The following CELF2 variants were observed in gnomAD, a reference collection of about 807,000 sequenced individuals.
The protein encoded by CELF2 is CUGBP Elav-like family member 2, also known as CUG triplet repeat RNA-binding protein 2.
In CELF2, 8 loss-of-function variants were observed where a neutral mutation model predicts 62.6. That is an observed-to-expected ratio of 0.13 (90% CI 0.07 to 0.23). The LOEUF (loss-of-function observed/expected upper bound fraction) is 0.23. Ranked by LOEUF, CELF2 falls within the 10% of genes least tolerant of loss-of-function variation. CELF2 has a pLI of 1.00. For missense variants in CELF2, 333 were observed against 671.0 expected (o/e 0.50, Z 5.56); for synonymous variants, 258 against 250.0 (o/e 1.03, Z -0.30).
At chr10:10,760,509 G>A in the CELF2 span, among the ~76,000 whole-genome samples, 20 of 152,278 alleles carry the variant, frequency 1.3e-4, no homozygotes, top group East Asian at 3.7e-3. Flanking sequence ...AGCAAGTCAC[G>A]TCGATACAGT....
At chr10:10,904,323 C>T (rs1459657882) in intron 1 of CELF2, among the ~76,000 whole-genome samples, 2 of 151,814 alleles carry the variant, frequency 1.3e-5, no homozygotes, top group Non-Finnish European at 2.9e-5. Context: ...ATCTGCTGGG[C>T]TCAAGCGATC....
chr10:10,851,449 G>T (rs922113771), intron 1 of CELF2, among the ~76,000 whole-genome samples: 1 of 152,072 alleles, frequency 6.6e-6, no homozygotes, highest in East Asian at 1.9e-4. Context: ...ACTCAGCAAG[G>T]TTGCCGACCT....
chr10:11,292,028 A>G (rs2092595573), intron 9 of CELF2, among the ~76,000 whole-genome samples: 1 of 152,222 alleles, frequency 6.6e-6, no homozygotes, highest in Non-Finnish European at 1.5e-5. Flanking sequence ...GTAAGTGCAG[A>G]CTTGACCAAG....
the CELF2 span, among the ~76,000 whole-genome samples, chr10:10,727,608 C>G: frequency 1.3e-5 from 2 of 151,976 alleles, no homozygotes; most frequent in Non-Finnish European, 2.9e-5. Flanking sequence ...AACCCCGTCT[C>G]TACCAAAAGT....
intron 1 of CELF2, among the ~76,000 whole-genome samples, chr10:10,905,701 C>G (rs964158309): frequency 4.0e-5 from 6 of 151,858 alleles, no homozygotes; most frequent in African/African-American, 1.5e-4. Flanking sequence ...CACGGTGGAA[C>G]CCTGTCTCTA....
At chr10:10,486,049 A>T in the CELF2 span, among the ~76,000 whole-genome samples, 1 of 152,196 alleles carries the variant, frequency 6.6e-6, no homozygotes, top group Non-Finnish European at 1.5e-5. Context: ...AATCATGGAA[A>T]CATAGAATAA....
the CELF2 span, among the ~76,000 whole-genome samples, chr10:10,524,637 A>C: frequency 6.6e-6 from 1 of 152,116 alleles, no homozygotes; most frequent in Admixed American, 6.6e-5. Context: ...TTCTCTCTCC[A>C]ATACCTTCAA....
chr10:11,315,353 C>T lies in CELF2; in HGVS notation c.1096+1095C>T, dbSNP rs1178354782. On this transcript the variant is annotated intron_variant, in intron 10 of 12. Transcript: ENST00000633077. This position sits in a 1 kb window ranked among gnomAD's most constrained non-coding sequence, Gnocchi z 5.8. ...ATAAAGGAGTCCGTGACAGTTGTTGCCCTATTTTAAGCCATGGTTCAATAA... is the reference window on the plus strand; with the variant it reads ...ATAAAGGAGTCCGTGACAGTTGTTGTCCTATTTTAAGCCATGGTTCAATAA... Among the ~76,000 whole-genome samples, 1 of 152,038 alleles carries T rather than the reference C, an allele frequency of 6.6e-6. No individual in the cohort carries two copies. Among genetic ancestry groups the T allele is most frequent in the African/African-American group, 2.4e-5 (1 of 41,372 alleles).
rs185025670 is a variant in CELF2 at position 11,311,242 on chromosome 10, C to G, written c.977-2897C>G. On this transcript the variant is annotated intron_variant, in intron 9 of 12. Coordinates refer to ENST00000633077, the MANE Select transcript of CELF2 (RefSeq NM_001326342.2). The surrounding 1 kb of genome is among the most constrained non-coding windows in gnomAD (Gnocchi z 4.7). Reference sequence around the variant, plus strand: ...GAGAATTCATAACAATAAACCATCCCTCACGTGAGTTTACAACCCAGTTTG... The same window carrying G: ...GAGAATTCATAACAATAAACCATCCGTCACGTGAGTTTACAACCCAGTTTG... Among the ~76,000 whole-genome samples the G allele has an allele frequency of 2.0e-5, 3 of 152,216 alleles. No homozygotes were observed. Among genetic ancestry groups the G allele is most frequent in the African/African-American group, 7.2e-5 (3 of 41,446 alleles).
At chr10:11,222,254 T>G (rs2065078852) in intron 3 of CELF2, among the ~76,000 whole-genome samples, 1 of 152,248 alleles carries the variant, frequency 6.6e-6, no homozygotes, top group Non-Finnish European at 1.5e-5. Flanking sequence ...CCACCTCTCC[T>G]ACTTAGTGAT....
the CELF2 span, among the ~76,000 whole-genome samples, chr10:10,578,538 A>G: frequency 0.11 from 16,305 of 152,128 alleles, 1,057 homozygotes; most frequent in Non-Finnish European, 0.15. Context: ...TAATTTTTGT[A>G]TATCAGCTTT....
chr10:10,662,897 C>T, the CELF2 span, among the ~76,000 whole-genome samples: 1 of 152,166 alleles, frequency 6.6e-6, no homozygotes, highest in Non-Finnish European at 1.5e-5. Context: ...GATGTCTTTC[C>T]ATGACCCCCA....
the CELF2 span, among the ~76,000 whole-genome samples, chr10:10,546,142 A>C: frequency 6.6e-6 from 1 of 152,198 alleles, no homozygotes; most frequent in Non-Finnish European, 1.5e-5. Context: ...CATTCAAAAG[A>C]GCTTTAGAAG....
At chr10:10,798,027 T>C (rs2054263957), upstream of CELF2, among the ~76,000 whole-genome samples, 1 of 152,122 alleles carries the variant, frequency 6.6e-6, no homozygotes, top group Admixed American at 6.5e-5. Flanking sequence ...TTTCTCTTTA[T>C]GTTTAAAGAG....
the CELF2 span, among the ~76,000 whole-genome samples, chr10:10,617,955 G>A: frequency 7.9e-5 from 12 of 152,078 alleles, no homozygotes; most frequent in East Asian, 5.8e-4. Context: ...TCCCCCGGCC[G>A]TAACTCTTGA....
chr10:10,958,416 A>G (rs1293303871), intron 2 of CELF2, among the ~76,000 whole-genome samples: 2 of 152,194 alleles, frequency 1.3e-5, no homozygotes, highest in Non-Finnish European at 2.9e-5. Context: ...GATATTTTGC[A>G]CCCCAACTTG....
rs2052405518 is a variant in CELF2, at chr10:10,983,642, A to G, written c.89+63643A>G. On this transcript the variant is annotated intron_variant, in intron 2 of 13. Coordinates refer to the CELF2 transcript ENST00000636488. The surrounding 1 kb of genome is among the most constrained non-coding windows in gnomAD (Gnocchi z 5.2). ...GAGTGCAGTGGCACAATCTTGGCTC[A>G]CTGCAACCTCCACCTCCCAGGTTCA... Among the ~76,000 whole-genome samples the G allele has an allele frequency of 6.6e-6, 1 of 152,222 alleles. No homozygotes were observed. The highest frequency in any genetic ancestry group is 1.5e-5 in the Non-Finnish European group (1 of 68,038).
intron 2 of CELF2, among the ~76,000 whole-genome samples, chr10:10,951,373 G>A (rs752406993): frequency 1.3e-5 from 2 of 152,176 alleles, no homozygotes; most frequent in African/African-American, 2.4e-5. Context: ...CTGGGCTCAA[G>A]TGATCCACCT....
At chr10:10,810,540 G>A (rs1170792602) in intron 1 of CELF2, among the ~76,000 whole-genome samples, 1 of 152,160 alleles carries the variant, frequency 6.6e-6, no homozygotes, top group African/African-American at 2.4e-5. Context: ...CAGTAATTGA[G>A]TGGCTGGAAT....
Sources: allele counts gnomAD v4.1 joint callset (sites outside exome capture counted in the v4.1 genomes callset), GRCh38; gene constraint gnomAD v4.1.1; non-coding constraint Gnocchi (gnomAD v3.1); transcripts MANE v1.5; gene names NCBI Gene and HGNC (gene_info 2026-07-23, HGNC 2026-07-21).